Variants in PLOD3 observed in about 807,000 individuals in gnomAD.
The protein encoded by PLOD3 is procollagen-lysine,2-oxoglutarate 5-dioxygenase 3.
In PLOD3, 73 loss-of-function variants were observed where a neutral mutation model predicts 96.9. The observed-to-expected ratio is 0.75, with a 90% CI of 0.62 to 0.92. PLOD3 has a LOEUF of 0.92. Ranked by LOEUF, PLOD3 falls within the 40% of genes least tolerant of loss-of-function variation. The probability of loss-of-function intolerance (pLI) is 0.00; values close to 1 mark genes in which losing one functional copy is unlikely to be tolerated. For synonymous variants in PLOD3, 454 were observed against 413.7 expected (o/e 1.10, Z -1.18); for missense variants, 1,004 against 1,004.3 (o/e 1.00, Z 0.00).
At chr7:101,210,776 A>C (rs1360889035) in intron 12 of PLOD3, 103 bp from the exon 13 acceptor site, 3 of 1,295,590 alleles carry the variant, frequency 2.3e-6, no homozygotes, top group Non-Finnish European at 3.3e-6. Context: ...CAGTCCCTGA[A>C]CATAAGGCCC....
At chr7:101,216,068 G>A (rs367721614) in intron 4 of PLOD3, 48 bp from the exon 5 acceptor site, 1 of 1,603,902 alleles carries the variant, frequency 6.2e-7, no homozygotes, top group Non-Finnish European at 8.5e-7. Context: ...GGGTCCCAGG[G>A]CCTGTCCCCC....
chr7:101,213,904 G>C lies in PLOD3; in HGVS notation c.680-700C>G, dbSNP rs868481241. On this transcript the variant is annotated intron_variant, in intron 6 of 18. Transcript: ENST00000223127. Reference sequence around the variant, plus strand: ...AGTAGAGACAGGGTTTCACCATGTCGACCAGGCTGGCCTTGAACTCCTGAC... The same window carrying C: ...AGTAGAGACAGGGTTTCACCATGTCCACCAGGCTGGCCTTGAACTCCTGAC... 4.6e-5 allele frequency among the ~76,000 whole-genome samples: 7 copies of C among 151,978 alleles called. No individual in the cohort carries two copies. In the South Asian group the frequency reaches 1.2e-3, roughly 27 times the overall value.
At chr7:101,208,678 G>GAT in intron 16 of PLOD3, 175 bp downstream of exon 16, 1 of 628,628 alleles carries the variant, frequency 1.6e-6, no homozygotes. Flanking sequence ...ATGAGCCACT[G>GAT]TGCCCAGCAG....
At chr7:101,215,186 A>C in intron 5 of PLOD3, 34 bp from the exon 6 acceptor site, 1 of 1,423,914 alleles carries the variant, frequency 7.0e-7, no homozygotes, top group East Asian at 2.3e-5. Flanking sequence ...AGTGGTTAAA[A>C]TGGAAGGAGT....
chr7:101,213,446 G>A, intron 6 of PLOD3: 4 of 571,156 alleles, frequency 7.0e-6, no homozygotes, highest in Non-Finnish European at 9.4e-6. Flanking sequence ...AGGGTGAGCT[G>A]AGCGGGAGGC....
At position 101,212,318 on chromosome 7, in the gene PLOD3, G is replaced by A; in HGVS notation, c.1062C>T (p.Phe354=). 1 of 1,613,958 alleles carries A rather than the reference G, an allele frequency of 6.2e-7. No homozygotes were observed. Among genetic ancestry groups the A allele is most frequent in the Non-Finnish European group, 8.5e-7 (1 of 1,179,976 alleles). ...CCGGCCCCACGAGCTTCACAGCTGA[G>A]AAGTGGTCCTGGAGCTGCGGCCAGG... ...ADSWPQLQDH[F]SAVKLVGPEE... The change falls in exon 10 of 19, where the codon TTC becomes TTT. Residue 354 remains phenylalanine (F), a synonymous_variant. Transcript: ENST00000223127.
In PLOD3 at chr7:101,216,796, G is replaced by A. The variant is rs1197898160; in HGVS notation, c.110-10C>T. ...ATCACCAGCAGCTTCTCTGTTACCA[G>A]AGGGAAATGGCACTTGAGATCCACC... On this transcript the variant is annotated splice_polypyrimidine_tract_variant and intron_variant, in intron 1 of 18. Coordinates refer to ENST00000223127, the MANE Select transcript of PLOD3 (RefSeq NM_001084.5). The A allele has an allele frequency of 6.3e-7, 1 of 1,598,460 alleles. No individual in the cohort carries two copies. Among genetic ancestry groups the A allele is most frequent in the Admixed American group, 1.7e-5 (1 of 59,882 alleles).
chr7:101,215,101 T>A lies in PLOD3; in HGVS notation c.667A>T (p.Asn223Tyr). 6.2e-7 allele frequency: 1 copy of A among 1,613,078 alleles called. No homozygotes were observed. The highest frequency in any genetic ancestry group is 8.5e-7 in the Non-Finnish European group (1 of 1,178,962). ...DHKSRIFQNL[N>Y]GALDEVVLKF... ...TCTTCCTCCTCACCTAAAGCCCCGT[T>A]GAGGTTCTGAAAGATCCGAGACTTA... Residue 223 changes from asparagine to tyrosine, a missense_variant, in exon 6 of 19, where the codon AAC becomes TAC. By Grantham distance (143) the Asn-to-Tyr change is moderately radical (BLOSUM62 -2). Transcript: ENST00000223127.
intron 6 of PLOD3, chr7:101,213,506 GT>G (rs3988239): frequency 0.14 from 36,949 of 265,888 alleles, 1,049 homozygotes; most frequent in South Asian, 0.18. Context: ...CTCTCTCCTT[GT>G]TTTTTTTTTT....
Position 101,206,313 on chromosome 7 carries a change from G to A in PLOD3, c.2185C>T (p.Arg729Cys), listed in dbSNP as rs771432327. 1.4e-5 allele frequency: 22 copies of A among 1,613,882 alleles called. No homozygotes were observed. Among genetic ancestry groups the A allele is most frequent in the African/African-American group, 6.7e-5 (5 of 74,934 alleles). ...HEGLPTTWGT[R>C]YIMVSFVDP is the part of the protein sequence containing the mutation. ...TCGACAAAGGACACCATGATGTAGC[G>A]TGTGCCCCAGGTCGTTGGCAGCCCC... is the stretch of plus-strand genomic sequence containing the variant. The change falls in exon 19 of 19, where the codon CGC becomes TGC. Residue 729 changes from arginine to cysteine, a missense_variant. Coordinates refer to ENST00000223127, the MANE Select transcript of PLOD3 (RefSeq NM_001084.5).
chr7:101,215,147 T>C lies in PLOD3; in HGVS notation c.621A>G (p.Lys207=), dbSNP rs971552935. 2.5e-6 allele frequency: 4 copies of C among 1,610,088 alleles called. No individual in the cohort carries two copies. The highest frequency in any genetic ancestry group is 3.4e-6 in the Non-Finnish European group (4 of 1,176,296). ...ACTTATGATCCAGATTAAGGCTGAGTTTCTCCTAAATGGAATGAGATGCGA... is the reference window on the plus strand; with the variant it reads ...ACTTATGATCCAGATTAAGGCTGAGCTTCTCCTAAATGGAATGAGATGCGA... ...RLYLDPGLRE[K]LSLNLDHKSR... The change falls in exon 6 of 19, where the codon AAA becomes AAG. Residue 207 remains lysine, a synonymous_variant. Coordinates refer to ENST00000223127, the MANE Select transcript of PLOD3 (RefSeq NM_001084.5).
intron 1 of PLOD3, 85 bp from the exon 2 acceptor site, chr7:101,216,871 TC>T: frequency 1.1e-6 from 1 of 900,134 alleles, no homozygotes; most frequent in Non-Finnish European, 1.8e-6. Flanking sequence ...TCACTCGACT[TC>T]CCTCCCTTTC....
In PLOD3 at chr7:101,211,828, G is replaced by A. The variant is rs1410814299; in HGVS notation, c.1232+18C>T. ...CTGTTGGGGTGCCCTCCGGCTGCGG[G>A]GAGAGGGGGTAAGCCACCTGTTCTC... On this transcript the variant is annotated intron_variant, in intron 11 of 18. Coordinates refer to ENST00000223127, the MANE Select transcript of PLOD3 (RefSeq NM_001084.5). The A allele has an allele frequency of 3.1e-6, 5 of 1,602,474 alleles. No individual in the cohort carries two copies. The highest frequency in any genetic ancestry group is 4.3e-6 in the Non-Finnish European group (5 of 1,172,336).
Position 101,205,993 on chromosome 7 carries a change from G to C in PLOD3, c.*288C>G. ...CCAATGGACTCAAGACTTACAAACT[G>C]TCCTTTATTCAGAGTGAGACTGCGG... is the stretch of plus-strand genomic sequence containing the variant. On this transcript the variant is annotated 3_prime_UTR_variant, in exon 19 of 19. Coordinates refer to ENST00000223127, the MANE Select transcript of PLOD3 (RefSeq NM_001084.5). 1.9e-6 allele frequency: 1 copy of C among 520,056 alleles called. No individual in the cohort carries two copies. The highest frequency in any genetic ancestry group is 3.5e-6 in the Non-Finnish European group (1 of 286,598). 32.2% of individuals were successfully genotyped at this position (520,056 alleles called of 1,614,324 possible). A position where few individuals can be genotyped will look rare whatever the true frequency, so the allele number is the denominator to read the frequency against.
Position 101,213,003 on chromosome 7 carries a change from G to A in PLOD3, c.778-60C>T, listed in dbSNP as rs577092038. ...CCTCCAGGGGTGGAGGTGGGGGTCA[G>A]GCACCTCTGATATGGGGGCTGGGAA... On this transcript the variant is annotated intron_variant, in intron 7 of 18. Coordinates refer to ENST00000223127, the MANE Select transcript of PLOD3 (RefSeq NM_001084.5). 68 of 1,425,598 alleles carry A rather than the reference G, an allele frequency of 4.8e-5. No individual in the cohort carries two copies. In the African/African-American group the frequency reaches 7.9e-4, roughly 16 times the overall value. The allele number at this position is 1,425,598 out of a possible 1,614,324, so 88.3% of individuals were successfully genotyped here.
Position 101,216,734 on chromosome 7 carries a change from A to T in PLOD3, c.162T>A (p.Arg54=). 1 of 1,613,960 alleles carries T rather than the reference A, an allele frequency of 6.2e-7. No homozygotes were observed. The highest frequency in any genetic ancestry group is 8.5e-7 in the Non-Finnish European group (1 of 1,179,932). ...VATAETEGYL[R]FLRSAEFFNY... ...TGAAGAACTCCGCAGAGCGCAGGAA[A>T]CGCAGGTACCCCTCGGTTTCAGCTG... is the stretch of plus-strand genomic sequence containing the variant. The change falls in exon 2 of 19, where the codon CGT becomes CGA. Residue 54 remains arginine, a synonymous_variant. Transcript: ENST00000223127.
At position 101,206,249 on chromosome 7, in the gene PLOD3, T is replaced by C. The variant is rs768346078; in HGVS notation, c.*32A>G. On this transcript the variant is annotated 3_prime_UTR_variant, in exon 19 of 19. Coordinates refer to ENST00000223127, the MANE Select transcript of PLOD3 (RefSeq NM_001084.5). ...GGCCAGGCCCCCTAAAAAGGCACAA[T>C]GGCAGGGCAGGTTTGGCAGAGTGGT... 6.2e-7 allele frequency: 1 copy of C among 1,612,560 alleles called. No individual in the cohort carries two copies. Among genetic ancestry groups the C allele is most frequent in the Non-Finnish European group, 8.5e-7 (1 of 1,179,058 alleles).
Position 101,217,219 on chromosome 7 carries a change from GGCAGCAGCAGCGGCA to G in PLOD3, c.41_55del (p.Leu14_Leu18del). On this transcript the variant is annotated inframe_deletion, in exon 1 of 19. Coordinates refer to ENST00000223127, the MANE Select transcript of PLOD3 (RefSeq NM_001084.5). ...CCGGTCGGAGGCTGAGGCCGCAGGG[GGCAGCAGCAGCGGCA>G]GCAGCAGCAGGAACCGGGGTCCAGG... The G allele has an allele frequency of 6.6e-7, 1 of 1,504,066 alleles. No homozygotes were observed. The highest frequency in any genetic ancestry group is 8.9e-7 in the Non-Finnish European group (1 of 1,127,882). 93.2% of individuals were successfully genotyped at this position (1,504,066 alleles called of 1,614,324 possible).
chr7:101,215,653 C>G lies in PLOD3; in HGVS notation c.615+255G>C, dbSNP rs117017042. Among the ~76,000 whole-genome samples the G allele has an allele frequency of 2.6e-3, 402 of 152,214 alleles. 2 individuals carry two copies. The highest frequency in any genetic ancestry group is 5.2e-3 in the Admixed American group (80 of 15,272). On this transcript the variant is annotated intron_variant, in intron 5 of 18. Coordinates refer to ENST00000223127, the MANE Select transcript of PLOD3 (RefSeq NM_001084.5). ...GGGATTACAGGCGTACACCATGAAG[C>G]CTGGCTAATTTTTTCTTTCTTTTTT...
Sources: allele counts gnomAD v4.1 joint callset (sites outside exome capture counted in the v4.1 genomes callset), GRCh38; gene constraint gnomAD v4.1.1; transcripts MANE v1.5; gene names NCBI Gene and HGNC (gene_info 2026-07-23, HGNC 2026-07-21).